Variants in GALNT17 observed in about 807,000 individuals in gnomAD.
The protein encoded by GALNT17 is polypeptide N-acetylgalactosaminyltransferase 17.
In GALNT17, 29 loss-of-function variants were observed where a neutral mutation model predicts 63.7. The observed-to-expected ratio is 0.46, with a 90% CI of 0.34 to 0.62. The LOEUF (loss-of-function observed/expected upper bound fraction) is 0.62, where lower values mean the gene tolerates loss of function less well. Ranked by LOEUF, GALNT17 falls within the 20% of genes least tolerant of loss-of-function variation. GALNT17 has a pLI of 0.01. For missense variants in GALNT17, 603 were observed against 799.6 expected, an observed-to-expected ratio of 0.75 and a Z score of 2.97; for synonymous variants, 305 against 318.3, an observed-to-expected ratio of 0.96 and a Z score of 0.45.
chr7:71,553,592 G>A (rs1480778167), intron 5 of GALNT17, among the ~76,000 whole-genome samples: 1 of 152,128 alleles, frequency 6.6e-6, no homozygotes, highest in Non-Finnish European at 1.5e-5. Flanking sequence ...GTGTCTCAAA[G>A]TTCTGTTCAT....
At chr7:71,337,233 G>A (rs1791924107) in intron 2 of GALNT17, among the ~76,000 whole-genome samples, 2 of 151,864 alleles carry the variant, frequency 1.3e-5, no homozygotes, top group African/African-American at 2.4e-5. Flanking sequence ...ATTTTCTGAT[G>A]TTATTGATGA....
intron 1 of GALNT17, among the ~76,000 whole-genome samples, chr7:71,139,525 C>T (rs1001831176): frequency 3.3e-5 from 5 of 152,088 alleles, no homozygotes; most frequent in African/African-American, 1.2e-4. Context: ...CAGTCCTGCC[C>T]CCAAGCCACT....
chr7:71,670,649 G>GA (rs1791054568), intron 8 of GALNT17, among the ~76,000 whole-genome samples: 1 of 152,198 alleles, frequency 6.6e-6, no homozygotes, highest in African/African-American at 2.4e-5. Flanking sequence ...ATATTTGAGT[G>GA]CTTTTGAAGT....
Position 71,133,030 on chromosome 7 carries a change from G to A in GALNT17, c.228G>A (p.Arg76=), listed in dbSNP as rs1436997533. The change falls in exon 1 of 11, where the codon CGG becomes CGA. Residue 76 remains arginine (R), a synonymous_variant. Transcript: ENST00000333538. ...RLSLLEDIVY[R]QLNGLSKSLG... is the part of the protein sequence containing the mutation. ...CGCTGCTGGAGGACATCGTGTACCG[G>A]CAGCTGAATGGTAAGGACGCACGCC... 1 of 1,580,064 alleles carries A rather than the reference G, an allele frequency of 6.3e-7. No homozygotes were observed. The highest frequency in any genetic ancestry group is 1.7e-5 in the Admixed American group (1 of 57,410).
intron 1 of GALNT17, among the ~76,000 whole-genome samples, chr7:71,134,841 T>TG: frequency 1.3e-5 from 1 of 78,700 alleles, no homozygotes; most frequent in African/African-American, 6.5e-5. Context: ...TATGGTTTTT[T>TG]TTTTTTTTTT....
chr7:71,603,519 T>C (rs553999439), intron 6 of GALNT17, among the ~76,000 whole-genome samples: 2 of 152,252 alleles, frequency 1.3e-5, no homozygotes, highest in East Asian at 3.9e-4. Flanking sequence ...AGTACTATGC[T>C]GAGTGCATAT....
rs181022944 is a variant in GALNT17 at position 71,451,221 on chromosome 7, T to C, written c.962+30116T>C. 2.8e-4 allele frequency among the ~76,000 whole-genome samples: 43 copies of C among 152,278 alleles called. 5 individuals are homozygous for C. The East Asian group carries it at 2.9e-3, about 10-fold the overall frequency. On this transcript the variant is annotated intron_variant, in intron 5 of 10. Coordinates refer to ENST00000333538, the MANE Select transcript of GALNT17 (RefSeq NM_022479.3). Reference sequence around the variant, plus strand: ...TTGCAATAGTTTGCTGAGAATTGCATGACATTTTTCTAGTCCTCAAAAAAT... The same window carrying C: ...TTGCAATAGTTTGCTGAGAATTGCACGACATTTTTCTAGTCCTCAAAAAAT...
intron 9 of GALNT17, among the ~76,000 whole-genome samples, chr7:71,701,808 TATATATACAC>T (rs1562742319): frequency 0.011 from 1,079 of 101,286 alleles, 21 homozygotes; most frequent in African/African-American, 0.04. Context: ...TGTGTGTATA[TATATATACAC>T]ATATATATAC....
intron 1 of GALNT17, among the ~76,000 whole-genome samples, chr7:71,186,225 G>T (rs1788848499): frequency 6.6e-6 from 1 of 152,188 alleles, no homozygotes; most frequent in Non-Finnish European, 1.5e-5. Context: ...TTTCAAGCCA[G>T]AAGCTAAAAT....
chr7:71,337,595 C>T (rs936793647), intron 2 of GALNT17, among the ~76,000 whole-genome samples: 1 of 152,114 alleles, frequency 6.6e-6, no homozygotes, highest in Non-Finnish European at 1.5e-5. Flanking sequence ...GCTGGCAGGG[C>T]ACGGTGGCTC....
chr7:71,530,433 T>C (rs1454066370), intron 5 of GALNT17, among the ~76,000 whole-genome samples: 14 of 152,308 alleles, frequency 9.2e-5, no homozygotes, highest in Admixed American at 7.8e-4. Context: ...CAGTTATTCT[T>C]AACGTGTAGT....
At chr7:71,616,667 CAT>C (rs1484449339) in intron 6 of GALNT17, among the ~76,000 whole-genome samples, 3 of 136,762 alleles carry the variant, frequency 2.2e-5, no homozygotes, top group Non-Finnish European at 3.0e-5. Context: ...ATAATCATAA[CAT>C]GTAATATAAT....
At chr7:71,506,739 G>T (rs190047550) in intron 5 of GALNT17, among the ~76,000 whole-genome samples, 1 of 152,182 alleles carries the variant, frequency 6.6e-6, no homozygotes, top group East Asian at 1.9e-4. Context: ...TGTTGTACTG[G>T]TACATGCAAT....
At chr7:71,338,391 G>T (rs1791950591) in intron 2 of GALNT17, among the ~76,000 whole-genome samples, 1 of 151,524 alleles carries the variant, frequency 6.6e-6, no homozygotes, top group Non-Finnish European at 1.5e-5. Flanking sequence ...CAGGTGTGGT[G>T]GTGGTGCATG....
intron 5 of GALNT17, among the ~76,000 whole-genome samples, chr7:71,444,497 G>A (rs550058608): frequency 9.9e-5 from 15 of 152,114 alleles, no homozygotes; most frequent in African/African-American, 2.9e-4. Context: ...GGTGTCTTCC[G>A]TAGCAAACTC....
intron 9 of GALNT17, among the ~76,000 whole-genome samples, chr7:71,693,331 A>T (rs1284132923): frequency 7.4e-6 from 1 of 136,022 alleles, no homozygotes; most frequent in Admixed American, 7.6e-5. Flanking sequence ...TGGAGACAAG[A>T]CCAAAACAAT....
At chr7:71,192,815 A>G (rs2116342987) in intron 1 of GALNT17, among the ~76,000 whole-genome samples, 1 of 152,312 alleles carries the variant, frequency 6.6e-6, no homozygotes, top group South Asian at 2.1e-4. Context: ...TGGTGTTGTC[A>G]GTCTTTTTCC....
chr7:71,492,263 GCAAGACTC>G (rs1238995795), intron 5 of GALNT17, among the ~76,000 whole-genome samples: 3 of 152,144 alleles, frequency 2.0e-5, no homozygotes, highest in Admixed American at 6.5e-5. Context: ...TGGAGACAGA[GCAAGACTC>G]CGTCTCAAAA....
intron 5 of GALNT17, among the ~76,000 whole-genome samples, chr7:71,457,085 C>CAA (rs201402339): frequency 0.014 from 2,056 of 152,236 alleles, 40 homozygotes; most frequent in African/African-American, 0.047. Context: ...GCAGAGGAAA[C>CAA]AATCAGATAT....
Sources: allele counts gnomAD v4.1 joint callset (sites outside exome capture counted in the v4.1 genomes callset), GRCh38; gene constraint gnomAD v4.1.1; transcripts MANE v1.5; gene names NCBI Gene and HGNC (gene_info 2026-07-23, HGNC 2026-07-21).